The following CDRT4 variants were observed in gnomAD, a reference collection of about 807,000 sequenced individuals.
CDRT4 encodes CMT1A duplicated region transcript 4.
For missense variants in CDRT4, 167 were observed against 193.1 expected (o/e 0.87, Z 0.80); for synonymous variants, 64 against 69.6 (o/e 0.92, Z 0.40).
chr17:15,447,906 A>C (rs1163787631), intron 2 of CDRT4, among the ~76,000 whole-genome samples: 2 of 152,190 alleles, frequency 1.3e-5, no homozygotes, highest in Non-Finnish European at 2.9e-5. Flanking sequence ...AGCAGCAAGA[A>C]ATAGCCCTAC....
chr17:15,457,285 A>T (rs1234166153), intron 1 of CDRT4, among the ~76,000 whole-genome samples: 1 of 152,150 alleles, frequency 6.6e-6, no homozygotes, highest in East Asian at 1.9e-4. Context: ...CACCAAGAAA[A>T]CACTGCAAGC....
At chr17:15,459,216 C>T (rs984936536) in intron 1 of CDRT4, among the ~76,000 whole-genome samples, 1 of 152,060 alleles carries the variant, frequency 6.6e-6, no homozygotes, top group Admixed American at 6.5e-5. Flanking sequence ...GCAGAAGAGG[C>T]AGGAACCTCC....
chr17:15,466,059 G>A (rs1342238961), intron 1 of CDRT4, among the ~76,000 whole-genome samples: 1 of 149,882 alleles, frequency 6.7e-6, no homozygotes, highest in South Asian at 2.1e-4. Flanking sequence ...GGGAGGGAAA[G>A]GGAGGGGGAG....
rs547695129 is a variant in CDRT4 at position 15,458,566 on chromosome 17, A to G, written c.-129-5481T>C. Among the ~76,000 whole-genome samples, 5 of 152,280 alleles carry G rather than the reference A, an allele frequency of 3.3e-5. No homozygotes were observed. The South Asian group carries it at 1.0e-3, about 32-fold the overall frequency. Reference sequence around the variant, plus strand: ...AAGTCGGGTCATTGTGAAGAGGCCCAAGAAACAAACCACTAAATGTCCAGC... The same window carrying G: ...AAGTCGGGTCATTGTGAAGAGGCCCGAGAAACAAACCACTAAATGTCCAGC... On this transcript the variant is annotated intron_variant, in intron 1 of 3. Coordinates refer to ENST00000619038, the MANE Select transcript of CDRT4 (RefSeq NM_001204477.2).
At chr17:15,459,688 C>A (rs1031438057) in intron 1 of CDRT4, among the ~76,000 whole-genome samples, 1 of 151,924 alleles carries the variant, frequency 6.6e-6, no homozygotes, top group African/African-American at 2.4e-5. Context: ...CCTCGTGATC[C>A]GCCCGCCTCG....
intron 2 of CDRT4, among the ~76,000 whole-genome samples, chr17:15,442,303 A>C (rs1375323552): frequency 1.3e-5 from 2 of 152,080 alleles, no homozygotes; most frequent in Non-Finnish European, 2.9e-5. Flanking sequence ...CCAGCTGCTC[A>C]GGAGGCTGAG....
chr17:15,448,381 CTG>C (rs1377763920), intron 2 of CDRT4, among the ~76,000 whole-genome samples: 1 of 152,178 alleles, frequency 6.6e-6, no homozygotes, highest in Non-Finnish European at 1.5e-5. Context: ...GTGAAAGTGA[CTG>C]TATTATAAAT....
chr17:15,438,251 C>T, intron 3 of CDRT4, 51 bp from the exon 4 acceptor site: 1 of 1,553,668 alleles, frequency 6.4e-7, no homozygotes, highest in African/African-American at 1.4e-5. Context: ...CATGCAATAG[C>T]TTGATTCTTC....
chr17:15,438,025 T>C lies in CDRT4; in HGVS notation c.207A>G (p.Lys69=), dbSNP rs1285861921. Residue 69 remains lysine, a synonymous_variant, in exon 4 of 4, where the codon AAA becomes AAG. Transcript: ENST00000619038. ...EERPWASRQN[K]PSSVIQPKRR... is the part of the protein sequence containing the mutation. ...TTTTCGGCTGAATGACGCTGGAAGG[T>C]TTATTCTGCCTTGATGCCCAGGGTC... 1.2e-6 allele frequency: 2 copies of C among 1,613,996 alleles called. No homozygotes were observed. The highest frequency in any genetic ancestry group is 2.7e-5 in the African/African-American group (2 of 74,904).
chr17:15,439,676 C>T (rs1411262078), intron 3 of CDRT4, among the ~76,000 whole-genome samples: 1 of 152,178 alleles, frequency 6.6e-6, no homozygotes, highest in Non-Finnish European at 1.5e-5. Flanking sequence ...ATAGCAAAGA[C>T]TTGGAACCAA....
rs1978487891 is a variant in CDRT4, at chr17:15,436,394, A to G, written c.*1379T>C. On this transcript the variant is annotated 3_prime_UTR_variant, in exon 4 of 4. Transcript: ENST00000619038. The stretch of plus-strand genomic sequence containing the variant: ...AGTATTAACTGTCTTGCAAATACAC[A>G]TACAGAAACTCAGGTAAGGTCAGCC... The G allele has an allele frequency of 6.6e-6, 1 of 152,254 alleles. No individual in the cohort carries two copies. Among genetic ancestry groups the G allele is most frequent in the Non-Finnish European group, 1.5e-5 (1 of 68,060 alleles). The allele number at this position is 152,254 out of a possible 1,614,324, so 9.4% of individuals were successfully genotyped here.
intron 3 of CDRT4, among the ~76,000 whole-genome samples, chr17:15,439,972 G>A (rs1026223690): frequency 7.9e-5 from 12 of 151,994 alleles, no homozygotes; most frequent in Non-Finnish European, 1.6e-4. Context: ...ATAGCATTAG[G>A]AGATATACCT....
At chr17:15,440,138 C>T (rs1978688581) in intron 3 of CDRT4, 70 bp downstream of exon 3, 2 of 1,506,574 alleles carry the variant, frequency 1.3e-6, no homozygotes, top group Non-Finnish European at 1.8e-6. Flanking sequence ...TGGCCTCTTC[C>T]CACTGCGAAT....
At chr17:15,446,350 G>A (rs7215792) in intron 2 of CDRT4, among the ~76,000 whole-genome samples, 1 of 152,028 alleles carries the variant, frequency 6.6e-6, no homozygotes, top group Non-Finnish European at 1.5e-5. Flanking sequence ...CTAACAAATG[G>A]GTTCTGCGGG....
At chr17:15,461,410 A>G (rs1979744957) in intron 1 of CDRT4, among the ~76,000 whole-genome samples, 1 of 152,212 alleles carries the variant, frequency 6.6e-6, no homozygotes, top group African/African-American at 2.4e-5. Flanking sequence ...AATGCTGGGA[A>G]GACTTCCTGG....
intron 1 of CDRT4, among the ~76,000 whole-genome samples, chr17:15,465,030 C>CACACACACATA (rs1979938321): frequency 7.3e-6 from 1 of 136,426 alleles, no homozygotes; most frequent in African/African-American, 2.8e-5. Context: ...CACACACCAA[C>CACACACACATA]ACACAGACAC....
chr17:15,443,838 G>A (rs1978891328), intron 2 of CDRT4: 2 of 571,028 alleles, frequency 3.5e-6, no homozygotes, highest in African/African-American at 3.8e-5. Context: ...CTACCGTTTG[G>A]ACTATTTTAC....
intron 1 of CDRT4, among the ~76,000 whole-genome samples, chr17:15,461,945 C>T (rs904697209): frequency 1.3e-5 from 2 of 152,218 alleles, no homozygotes; most frequent in African/African-American, 4.8e-5. Context: ...TTCAATATTG[C>T]TGAAGCATAA....
In CDRT4 at chr17:15,437,421, G is replaced by C; in HGVS notation, c.*352C>G. On this transcript the variant is annotated 3_prime_UTR_variant, in exon 4 of 4. Coordinates refer to ENST00000619038, the MANE Select transcript of CDRT4 (RefSeq NM_001204477.2). ...CCCTTCCTGCCCTTTACTGTCACCT[G>C]GTTAATCATTCTTTATATTATCTCT... The C allele has an allele frequency of 3.3e-6, 1 of 303,670 alleles. No individual in the cohort carries two copies. Among genetic ancestry groups the C allele is most frequent in the Non-Finnish European group, 6.2e-6 (1 of 161,542 alleles). 18.8% of individuals were successfully genotyped at this position (303,670 alleles called of 1,614,324 possible). A position where few individuals can be genotyped will look rare whatever the true frequency, so the allele number is the denominator to read the frequency against.
Sources: allele counts gnomAD v4.1 joint callset (sites outside exome capture counted in the v4.1 genomes callset), GRCh38; gene constraint gnomAD v4.1.1; transcripts MANE v1.5; gene names NCBI Gene and HGNC (gene_info 2026-07-23, HGNC 2026-07-21).